The following LRRTM4 variants were observed in gnomAD, a reference collection of about 807,000 sequenced individuals.
The protein encoded by LRRTM4 is leucine rich repeat transmembrane neuronal 4.
LRRTM4 carries 25 observed loss-of-function variants against 47.6 expected under a neutral mutation model. The ratio of observed to expected loss-of-function variants is 0.53; its 90% CI spans 0.38 to 0.73. The LOEUF is 0.73. Ranked by LOEUF, LRRTM4 falls within the 30% of genes least tolerant of loss-of-function variation. The pLI is 0.00. For missense variants in LRRTM4, 638 were observed against 713.4 expected (o/e 0.89, Z 1.20); for synonymous variants, 311 against 269.5 (o/e 1.15, Z -1.51).
chr2:77,077,286 A>G (rs1680368033), intron 3 of LRRTM4, among the ~76,000 whole-genome samples: 1 of 152,110 alleles, frequency 6.6e-6, no homozygotes, highest in Non-Finnish European at 1.5e-5. Context: ...TACATTTCCT[A>G]AATAACTATA....
chr2:77,110,822 T>A (rs1305074128), intron 3 of LRRTM4, among the ~76,000 whole-genome samples: 1 of 152,224 alleles, frequency 6.6e-6, no homozygotes, highest in African/African-American at 2.4e-5. Context: ...GAAATATTAT[T>A]AAAGATATAG....
intron 3 of LRRTM4, among the ~76,000 whole-genome samples, chr2:77,406,368 C>A (rs962015451): frequency 1.3e-5 from 2 of 152,074 alleles, no homozygotes; most frequent in African/African-American, 4.8e-5. Flanking sequence ...GTTGCCCAGG[C>A]TGGAATGCAG....
At chr2:77,236,466 G>C (rs1675105978) in intron 3 of LRRTM4, among the ~76,000 whole-genome samples, 1 of 151,370 alleles carries the variant, frequency 6.6e-6, no homozygotes, top group Non-Finnish European at 1.5e-5. Context: ...TTTTTGCCAA[G>C]AGAGATAGCC....
chr2:77,108,902 C>T (rs1304050560), intron 3 of LRRTM4, among the ~76,000 whole-genome samples: 1 of 152,130 alleles, frequency 6.6e-6, no homozygotes, highest in Non-Finnish European at 1.5e-5. Flanking sequence ...AACTTCTCCA[C>T]TAATTTTAAC....
At chr2:77,019,651 G>A (rs964908785) in intron 3 of LRRTM4, among the ~76,000 whole-genome samples, 5 of 152,076 alleles carry the variant, frequency 3.3e-5, no homozygotes, top group Non-Finnish European at 7.4e-5. Flanking sequence ...TACATCAGTT[G>A]CAGATAAAGC....
chr2:76,786,923 T>C (rs1674703236), intron 3 of LRRTM4, among the ~76,000 whole-genome samples: 1 of 152,136 alleles, frequency 6.6e-6, no homozygotes, highest in African/African-American at 2.4e-5. Context: ...ACACTCTGAT[T>C]GGCTGAACAC....
intron 3 of LRRTM4, among the ~76,000 whole-genome samples, chr2:76,972,907 GGTT>G (rs1422589160): frequency 4.0e-5 from 6 of 151,634 alleles, no homozygotes; most frequent in Non-Finnish European, 8.8e-5. Context: ...ATACAAAAAA[GGTT>G]GTTAACTCAT....
intron 3 of LRRTM4, among the ~76,000 whole-genome samples, chr2:77,135,621 A>G (rs1409645331): frequency 6.6e-6 from 1 of 152,204 alleles, no homozygotes; most frequent in Non-Finnish European, 1.5e-5. Context: ...TCATTTTACA[A>G]ACTTCTCATG....
intron 3 of LRRTM4, among the ~76,000 whole-genome samples, chr2:77,398,849 C>A (rs1004174911): frequency 5.9e-5 from 9 of 151,822 alleles, no homozygotes; most frequent in African/African-American, 2.2e-4. Flanking sequence ...CCCAGAGATT[C>A]ATTCCTTATC....
intron 3 of LRRTM4, among the ~76,000 whole-genome samples, chr2:76,972,520 C>T (rs529174245): frequency 2.7e-5 from 4 of 147,108 alleles, no homozygotes; most frequent in South Asian, 2.1e-4. Flanking sequence ...TGAGTTCAAG[C>T]GATTCTTCTG....
chr2:77,312,853 A>G (rs755189595), intron 3 of LRRTM4, among the ~76,000 whole-genome samples: 2 of 152,202 alleles, frequency 1.3e-5, no homozygotes, highest in Non-Finnish European at 2.9e-5. Context: ...ATTTTGAGAT[A>G]TTGAAGTCAC....
At chr2:76,948,232 T>G (rs1312156962) in intron 3 of LRRTM4, among the ~76,000 whole-genome samples, 1 of 151,854 alleles carries the variant, frequency 6.6e-6, no homozygotes, top group East Asian at 1.9e-4. Flanking sequence ...GCAGACAACT[T>G]TATAGATAGA....
chr2:77,083,794 T>TG (rs538107221), intron 3 of LRRTM4, among the ~76,000 whole-genome samples: 5,385 of 87,102 alleles, frequency 0.062, 348 homozygotes, highest in South Asian at 0.1. Context: ...TTTTTTTTTT[T>TG]TTTTTTTTTT....
intron 3 of LRRTM4, among the ~76,000 whole-genome samples, chr2:77,436,477 C>T (rs1020632669): frequency 1.3e-5 from 2 of 151,260 alleles, no homozygotes; most frequent in Non-Finnish European, 3.0e-5. Context: ...TTATATAATA[C>T]CATAAGATTA....
intron 3 of LRRTM4, among the ~76,000 whole-genome samples, chr2:77,301,561 C>CTTGATAAAAAATAAGAAAGCTA (rs550311429): frequency 5.5e-4 from 84 of 152,176 alleles, no homozygotes; most frequent in African/African-American, 2.0e-3. Context: ...ATTAACACAA[C>CTTGATAAAAAATAAGAAAGCTA]TTGATAAAAA....
At chr2:77,396,717 T>C (rs557188342) in intron 3 of LRRTM4, among the ~76,000 whole-genome samples, 2 of 151,966 alleles carry the variant, frequency 1.3e-5, no homozygotes, top group Admixed American at 1.3e-4. Flanking sequence ...CTAGGCAATA[T>C]ATTGGTGAAA....
At chr2:77,083,607 C>A (rs973286505) in intron 3 of LRRTM4, among the ~76,000 whole-genome samples, 24 of 151,774 alleles carry the variant, frequency 1.6e-4, no homozygotes, top group African/African-American at 5.8e-4. Flanking sequence ...TGTAGCTAGT[C>A]CTGGAAATAC....
intron 3 of LRRTM4, among the ~76,000 whole-genome samples, chr2:77,450,035 A>T (rs1395345066): frequency 1.3e-5 from 2 of 152,190 alleles, no homozygotes; most frequent in African/African-American, 4.8e-5. Flanking sequence ...TTAGTGTTGT[A>T]TTCCCAGCAC....
chr2:77,303,004 A>C (rs910478210), intron 3 of LRRTM4, among the ~76,000 whole-genome samples: 1 of 148,360 alleles, frequency 6.7e-6, no homozygotes, highest in Non-Finnish European at 1.5e-5. Flanking sequence ...TGTTAAAATA[A>C]AAAGATCTAT....
Sources: allele counts gnomAD v4.1 joint callset (sites outside exome capture counted in the v4.1 genomes callset), GRCh38; gene constraint gnomAD v4.1.1; transcripts MANE v1.5; gene names NCBI Gene and HGNC (gene_info 2026-07-23, HGNC 2026-07-21).